Variants in ARHGEF10L observed in about 807,000 individuals in gnomAD.
The protein encoded by ARHGEF10L is rho guanine nucleotide exchange factor 10-like protein.
In ARHGEF10L, 69 loss-of-function variants were observed where a neutral mutation model predicts 141.2. The ratio of observed to expected loss-of-function variants is 0.49; its 90% CI spans 0.40 to 0.60. The LOEUF (loss-of-function observed/expected upper bound fraction) is 0.60. Among genes scored for constraint, ARHGEF10L ranks in the 20% least tolerant of loss-of-function variants. The pLI is 0.00. For synonymous variants in ARHGEF10L, 711 were observed against 718.5 expected, an observed-to-expected ratio of 0.99 and a Z score of 0.17; for missense variants, 1,482 against 1,734.3, an observed-to-expected ratio of 0.85 and a Z score of 2.58.
chr1:17,685,539 T>A (rs34679654), intron 26 of ARHGEF10L, among the ~76,000 whole-genome samples: 22,327 of 152,258 alleles, frequency 0.15, 1,747 homozygotes, highest in Non-Finnish European at 0.16. Context: ...CCAGTCTTAA[T>A]GGCTTTCAGT....
Position 17,697,350 on chromosome 1 carries a change from C to T in ARHGEF10L, c.3810C>T (p.Leu1270=). Residue 1270 remains leucine, a synonymous_variant, in exon 29 of 29, where the codon CTC becomes CTT. Coordinates refer to ENST00000361221, the MANE Select transcript of ARHGEF10L (RefSeq NM_018125.4). This position sits in a 1 kb window ranked among gnomAD's most constrained non-coding sequence, Gnocchi z 4.8. ...CGTGTGGGGAGACGGACAGCACCCT[C>T]CTCATCTGGCAGGTGCCCTTGATGC... is the stretch of plus-strand genomic sequence containing the variant. The part of the protein sequence containing the change: ...QAPCGETDST[L]LIWQVPLML The T allele has an allele frequency of 1.2e-6, 2 of 1,603,328 alleles. No individual in the cohort carries two copies. The highest frequency in any genetic ancestry group is 1.7e-6 in the Non-Finnish European group (2 of 1,173,198).
At chr1:17,585,345 T>C (rs888480608) in intron 2 of ARHGEF10L, among the ~76,000 whole-genome samples, 1 of 152,162 alleles carries the variant, frequency 6.6e-6, no homozygotes, top group African/African-American at 2.4e-5. Context: ...TGCTTCTGTC[T>C]CTGGGGTCTT....
At chr1:17,517,756 G>T in the ARHGEF10L span, among the ~76,000 whole-genome samples, 2 of 152,108 alleles carry the variant, frequency 1.3e-5, no homozygotes. Context: ...CACCTCCGGG[G>T]TTCAAACAAT....
upstream of ARHGEF10L, among the ~76,000 whole-genome samples, chr1:17,538,079 G>C (rs181373914): frequency 3.1e-4 from 46 of 146,920 alleles, no homozygotes; most frequent in African/African-American, 6.6e-4. Context: ...AAAAAACAAA[G>C]AAAGAAAAAA....
In ARHGEF10L at chr1:17,619,259, G is replaced by T; in HGVS notation, c.836-80G>T. 7.1e-7 allele frequency: 1 copy of T among 1,411,804 alleles called. No homozygotes were observed. The highest frequency in any genetic ancestry group is 9.8e-7 in the Non-Finnish European group (1 of 1,015,412). The allele number at this position is 1,411,804 out of a possible 1,614,324, so 87.5% of individuals were successfully genotyped here. On this transcript the variant is annotated intron_variant, in intron 9 of 28. Coordinates refer to ENST00000361221, the MANE Select transcript of ARHGEF10L (RefSeq NM_018125.4). The surrounding 1 kb of genome is among the most constrained non-coding windows in gnomAD (Gnocchi z 5.0). Reference sequence around the variant, plus strand: ...GGACCTGGGTCCAAGGCTGGTCTAGGGGGGCTCTCAGCTCCTGAGGCCTGA... The same window carrying T: ...GGACCTGGGTCCAAGGCTGGTCTAGTGGGGCTCTCAGCTCCTGAGGCCTGA...
At chr1:17,590,737 A>G (rs1426816723) in intron 4 of ARHGEF10L, among the ~76,000 whole-genome samples, 12 of 152,186 alleles carry the variant, frequency 7.9e-5, no homozygotes, top group Non-Finnish European at 1.5e-5. Flanking sequence ...CTGTAATCCC[A>G]GCACTTTGGG....
At chr1:17,666,388 G>A (rs533380771) in intron 26 of ARHGEF10L, among the ~76,000 whole-genome samples, 1 of 152,238 alleles carries the variant, frequency 6.6e-6, no homozygotes, top group East Asian at 1.9e-4. Context: ...AGAAGGGAGA[G>A]GCAGTGCCAT....
At chr1:17,624,183 C>G (rs2060258451) in intron 12 of ARHGEF10L, among the ~76,000 whole-genome samples, 1 of 152,186 alleles carries the variant, frequency 6.6e-6, no homozygotes. Flanking sequence ...CTCAGGCCAG[C>G]CTCTCTACCT....
At chr1:17,554,195 A>G (rs1283201290) in intron 1 of ARHGEF10L, among the ~76,000 whole-genome samples, 7 of 152,216 alleles carry the variant, frequency 4.6e-5, no homozygotes, top group Non-Finnish European at 1.0e-4. Context: ...ATGTTGAGTC[A>G]GATCTGGAAA....
At chr1:17,556,822 G>A (rs765838684) in intron 1 of ARHGEF10L, among the ~76,000 whole-genome samples, 4 of 152,166 alleles carry the variant, frequency 2.6e-5, no homozygotes, top group Non-Finnish European at 5.9e-5. Context: ...GAAGTCAGTA[G>A]TTCAAGGACC....
intron 1 of ARHGEF10L, among the ~76,000 whole-genome samples, chr1:17,564,447 G>A (rs553827526): frequency 2.0e-5 from 3 of 152,274 alleles, no homozygotes; most frequent in Admixed American, 1.3e-4. Flanking sequence ...TCCCACTGGG[G>A]CCCTGTCCTA....
intron 26 of ARHGEF10L, among the ~76,000 whole-genome samples, chr1:17,684,392 A>G (rs2064389385): frequency 2.6e-5 from 4 of 152,176 alleles, no homozygotes; most frequent in Admixed American, 2.6e-4. Context: ...AGATGGGGGC[A>G]TGGTCTCTCC....
rs186840527 is a variant in ARHGEF10L at position 17,687,761 on chromosome 1, G to A, written c.3184+14G>A. ...TCCTCCTGCCAGGTGAGGCTGCCTCGGGCACGGGGGAGCGGACAGTCACAG... is the reference window on the plus strand; with the variant it reads ...TCCTCCTGCCAGGTGAGGCTGCCTCAGGCACGGGGGAGCGGACAGTCACAG... On this transcript the variant is annotated intron_variant, in intron 27 of 28. Coordinates refer to ENST00000361221, the MANE Select transcript of ARHGEF10L (RefSeq NM_018125.4). 71 of 1,562,540 alleles carry A rather than the reference G, an allele frequency of 4.5e-5. No individual in the cohort carries two copies. The Middle Eastern group carries it at 1.4e-3, about 30-fold the overall frequency.
chr1:17,650,740 A>G (rs926305745), intron 22 of ARHGEF10L, among the ~76,000 whole-genome samples: 1 of 151,396 alleles, frequency 6.6e-6, no homozygotes, highest in Admixed American at 6.6e-5. Context: ...CTCAAAAAAA[A>G]AAAAAAAAAA....
At position 17,613,182 on chromosome 1, in the gene ARHGEF10L, C is replaced by T. The variant is rs200098859; in HGVS notation, c.726+8C>T. 4 of 1,606,602 alleles carry T rather than the reference C, an allele frequency of 2.5e-6. No individual in the cohort carries two copies. The highest frequency in any genetic ancestry group is 1.3e-5 in the African/African-American group (1 of 74,864). On this transcript the variant is annotated splice_region_variant and intron_variant, in intron 8 of 28. Transcript: ENST00000361221. The stretch of plus-strand genomic sequence containing the variant: ...CACAAGTACGATTGTAAGGTATTGT[C>T]TGTCTGTCCCCTCAAGCCCTGGATG...
At position 17,592,853 on chromosome 1, in the gene ARHGEF10L, C is replaced by A. The variant is rs552793497; in HGVS notation, c.257+4374C>A. On this transcript the variant is annotated intron_variant, in intron 4 of 28. Coordinates refer to ENST00000361221, the MANE Select transcript of ARHGEF10L (RefSeq NM_018125.4). ...TGCGGGACGTGAGGCATGGCAGATA[C>A]CGGCTCTCCGCCCATGGAGTCCCCC... Among the ~76,000 whole-genome samples, 5 of 152,202 alleles carry A rather than the reference C, an allele frequency of 3.3e-5. No individual in the cohort carries two copies. In the South Asian group the frequency reaches 1.0e-3, roughly 32 times the overall value.
At chr1:17,583,538 C>T (rs2078770581) in intron 2 of ARHGEF10L, among the ~76,000 whole-genome samples, 1 of 152,166 alleles carries the variant, frequency 6.6e-6, no homozygotes. Flanking sequence ...GAGGTAGTTG[C>T]TGTTATTGAC....
the ARHGEF10L span, among the ~76,000 whole-genome samples, chr1:17,515,804 G>A: frequency 6.6e-6 from 1 of 152,080 alleles, no homozygotes; most frequent in Non-Finnish European, 1.5e-5. Context: ...CACCATGCCT[G>A]GCTAACTTTT....
At chr1:17,670,655 T>C in intron 26 of ARHGEF10L, among the ~76,000 whole-genome samples, 1 of 152,224 alleles carries the variant, frequency 6.6e-6, no homozygotes, top group East Asian at 1.9e-4. Flanking sequence ...CCCTGGCTTG[T>C]GGGAGGACAA....
Sources: allele counts gnomAD v4.1 joint callset (sites outside exome capture counted in the v4.1 genomes callset), GRCh38; gene constraint gnomAD v4.1.1; non-coding constraint Gnocchi (gnomAD v3.1); transcripts MANE v1.5; gene names NCBI Gene and HGNC (gene_info 2026-07-23, HGNC 2026-07-21).